SLC25A25: variants seen among roughly 807,000 people sequenced by gnomAD.
The protein encoded by SLC25A25 is mitochondrial adenyl nucleotide antiporter SLC25A25.
Under a neutral mutation model 57.7 loss-of-function variants are expected in SLC25A25, and 32 were observed. That is an observed-to-expected ratio of 0.55 (90% CI 0.42 to 0.74). SLC25A25 has a LOEUF of 0.74. SLC25A25 is among the 30% of genes least tolerant of loss of function. The pLI is 0.00. For missense variants in SLC25A25, 556 were observed against 701.3 expected (o/e 0.79, Z 2.34); for synonymous variants, 306 against 291.2 (o/e 1.05, Z -0.52).
At position 128,107,762 on chromosome 9, in the gene SLC25A25, G is replaced by T; in HGVS notation, c.*318G>T. The T allele has an allele frequency of 2.5e-6, 1 of 406,358 alleles. No homozygotes were observed. The highest frequency in any genetic ancestry group is 4.3e-6 in the Non-Finnish European group (1 of 230,436). The allele number at this position is 406,358 out of a possible 1,614,324, so 25.2% of individuals were successfully genotyped here. On this transcript the variant is annotated 3_prime_UTR_variant, in exon 11 of 11. Transcript: ENST00000373069. ...CCAATAGCGAGCTTGGAGCCTGGAGGCCGGCTTAGTTCTTCCATTTCACCC... is the reference window on the plus strand; with the variant it reads ...CCAATAGCGAGCTTGGAGCCTGGAGTCCGGCTTAGTTCTTCCATTTCACCC...
Position 128,107,576 on chromosome 9 carries a change from G to A in SLC25A25, c.*132G>A, listed in dbSNP as rs75511005. 423 of 1,114,660 alleles carry A rather than the reference G, an allele frequency of 3.8e-4. 1 individual carries two copies. In the East Asian group the frequency reaches 9.8e-3, roughly 26 times the overall value. The allele number at this position is 1,114,660 out of a possible 1,614,324, so 69.0% of individuals were successfully genotyped here. ...AGCTGTGAAAACCCTAGACGCACCC[G>A]CAGGGAGGGTGGGGAGAGCTGGCAG... On this transcript the variant is annotated 3_prime_UTR_variant, in exon 11 of 11. Transcript: ENST00000373069.
rs530691582 is a variant in SLC25A25, at chr9:128,078,280, AGGTGCCCAGAATT to A, written c.261+9704_261+9716del. On this transcript the variant is annotated intron_variant, in intron 1 of 10. Transcript: ENST00000373069. ...CTTCCCCATTGGTTCTTTGAAAATA[AGGTGCCCAGAATT>A]GGTCAGAATCACCTATATTTTGCCC... is the stretch of plus-strand genomic sequence containing the variant. Among the ~76,000 whole-genome samples, 14 of 152,276 alleles carry A rather than the reference AGGTGCCCAGAATT, an allele frequency of 9.2e-5. No homozygotes were observed. In the East Asian group the frequency reaches 2.5e-3, roughly 27 times the overall value.
At position 128,103,263 on chromosome 9, in the gene SLC25A25, T is replaced by C. The variant is rs992001247; in HGVS notation, c.625-418T>C. Among the ~76,000 whole-genome samples, 2 of 152,218 alleles carry C rather than the reference T, an allele frequency of 1.3e-5. No homozygotes were observed. Among genetic ancestry groups the C allele is most frequent in the Non-Finnish European group, 2.9e-5 (2 of 68,036 alleles). On this transcript the variant is annotated intron_variant, in intron 5 of 10. Coordinates refer to ENST00000373069, the MANE Select transcript of SLC25A25 (RefSeq NM_001330988.2). This position sits in a 1 kb window ranked among gnomAD's most constrained non-coding sequence, Gnocchi z 6.7. Reference sequence around the variant, plus strand: ...CGAGCCCTCGTGTTTGCTGAGGCGTTGCATAATGTTCTGCCAGCGTGATCT... The same window carrying C: ...CGAGCCCTCGTGTTTGCTGAGGCGTCGCATAATGTTCTGCCAGCGTGATCT...
intron 1 of SLC25A25, chr9:128,098,601 G>A: frequency 3.1e-6 from 5 of 1,614,104 alleles, no homozygotes; most frequent in Non-Finnish European, 4.2e-6. Flanking sequence ...CCGGTCATCG[G>A]GGAAGCCCAG....
intron 7 of SLC25A25, 68 bp downstream of exon 7, chr9:128,105,949 C>G (rs1834013249): frequency 1.8e-5 from 29 of 1,581,654 alleles, no homozygotes; most frequent in Non-Finnish European, 2.4e-5. Context: ...TGCTGGCTTT[C>G]CCTGGGCTGA....
intron 1 of SLC25A25, among the ~76,000 whole-genome samples, chr9:128,079,180 T>C (rs1288164590): frequency 6.6e-6 from 1 of 152,106 alleles, no homozygotes; most frequent in African/African-American, 2.4e-5. Context: ...AGATAAATCA[T>C]GACTCATTTT....
At chr9:128,092,914 A>G (rs148149149) in intron 1 of SLC25A25, among the ~76,000 whole-genome samples, 4 of 152,210 alleles carry the variant, frequency 2.6e-5, no homozygotes, top group Non-Finnish European at 5.9e-5. Flanking sequence ...TGGAGTGCTC[A>G]GTATTAGAAA....
chr9:128,106,526 G>T lies in SLC25A25; in HGVS notation c.1212+6G>T. 1 of 1,591,486 alleles carries T rather than the reference G, an allele frequency of 6.3e-7. No homozygotes were observed. On this transcript the variant is annotated splice_donor_region_variant and intron_variant, in intron 9 of 10. Transcript: ENST00000373069. ...TCGACCTTGCAGTCTACGAGGTGAG[G>T]CCCAAGCTGGACAGATTTAGAAACC...
intron 1 of SLC25A25, among the ~76,000 whole-genome samples, chr9:128,085,909 T>C (rs1209035400): frequency 6.6e-6 from 1 of 152,156 alleles, no homozygotes; most frequent in African/African-American, 2.4e-5. Flanking sequence ...TTTTGCTATG[T>C]TGCCCAGGCT....
At chr9:128,105,951 C>G (rs1400027428) in intron 7 of SLC25A25, 70 bp downstream of exon 7, 21 of 1,578,830 alleles carry the variant, frequency 1.3e-5, no homozygotes, top group Non-Finnish European at 1.8e-5. Context: ...CTGGCTTTCC[C>G]TGGGCTGAGC....
chr9:128,101,337 G>A lies in SLC25A25; in HGVS notation c.417G>A (p.Gln139=). Residue 139 remains glutamine (Q), a synonymous_variant, in exon 3 of 11, where the codon CAG becomes CAA. Coordinates refer to ENST00000373069, the MANE Select transcript of SLC25A25 (RefSeq NM_001330988.2). The surrounding 1 kb of genome is among the most constrained non-coding windows in gnomAD (Gnocchi z 4.9). ...GCATTGACGCGCAGGAGATCATGCA[G>A]TCCCTGCGGGACTTGGGAGTCAAGA... ...DGRIDAQEIM[Q]SLRDLGVKIS... 6.2e-7 allele frequency: 1 copy of A among 1,614,266 alleles called. No individual in the cohort carries two copies. The highest frequency in any genetic ancestry group is 8.5e-7 in the Non-Finnish European group (1 of 1,180,052).
At position 128,099,327 on chromosome 9, in the gene SLC25A25, A is replaced by C; in HGVS notation, c.262-1769A>C. On this transcript the variant is annotated intron_variant, in intron 1 of 10. Coordinates refer to ENST00000373069, the MANE Select transcript of SLC25A25 (RefSeq NM_001330988.2). This position sits in a 1 kb window ranked among gnomAD's most constrained non-coding sequence, Gnocchi z 6.8. ...CAGATCCAAGGAAGGAGACAGAAGG[A>C]GGCCCAGGCCCTGTGAGGCAGAAGC... 1.6e-6 allele frequency: 2 copies of C among 1,265,724 alleles called. No homozygotes were observed. Among genetic ancestry groups the C allele is most frequent in the South Asian group, 1.3e-5 (1 of 78,504 alleles). The allele number at this position is 1,265,724 out of a possible 1,614,324, so 78.4% of individuals were successfully genotyped here. A position where few individuals can be genotyped will look rare whatever the true frequency, so the allele number is the denominator to read the frequency against.
rs1268828344 is a variant in SLC25A25 at position 128,103,645 on chromosome 9, G to A, written c.625-36G>A. ...CAGGTGCCAGCAGCCTTGCCCCAAG[G>A]GTCCTGAGTCAGGCTTGTGCCATCT... On this transcript the variant is annotated intron_variant, in intron 5 of 10. Transcript: ENST00000373069. This position sits in a 1 kb window ranked among gnomAD's most constrained non-coding sequence, Gnocchi z 6.7. 3 of 1,613,884 alleles carry A rather than the reference G, an allele frequency of 1.9e-6. No individual in the cohort carries two copies. Among genetic ancestry groups the A allele is most frequent in the East Asian group, 2.2e-5 (1 of 44,886 alleles).
chr9:128,095,659 A>T lies in SLC25A25; in HGVS notation c.262-5437A>T, dbSNP rs1221587203. On this transcript the variant is annotated intron_variant, in intron 1 of 10. Transcript: ENST00000373069. This position sits in a 1 kb window ranked among gnomAD's most constrained non-coding sequence, Gnocchi z 4.4. ...GCAAATAAGTTAGAACCCTTTTAAA[A>T]ATTAGCTGGGTGTGCTCGTGGGCAC... 6.6e-6 allele frequency among the ~76,000 whole-genome samples: 1 copy of T among 152,134 alleles called. No individual in the cohort carries two copies. Among genetic ancestry groups the T allele is most frequent in the East Asian group, 1.9e-4 (1 of 5,192 alleles).
intron 1 of SLC25A25, among the ~76,000 whole-genome samples, chr9:128,075,347 C>T (rs1832988263): frequency 6.6e-6 from 1 of 151,940 alleles, no homozygotes; most frequent in Non-Finnish European, 1.5e-5. Flanking sequence ...ACGAGCCTGT[C>T]TGATCTGGAG....
chr9:128,082,600 T>C (rs1461302540), intron 1 of SLC25A25, among the ~76,000 whole-genome samples: 4 of 152,178 alleles, frequency 2.6e-5, no homozygotes, highest in Non-Finnish European at 5.9e-5. Flanking sequence ...AAAAATAATT[T>C]TGAAAACAGC....
intron 1 of SLC25A25, among the ~76,000 whole-genome samples, chr9:128,086,751 C>T (rs1472895468): frequency 6.6e-6 from 1 of 152,094 alleles, no homozygotes; most frequent in African/African-American, 2.4e-5. Context: ...GCTGGGATTA[C>T]AGGTGAGAGC....
intron 1 of SLC25A25, among the ~76,000 whole-genome samples, chr9:128,082,185 G>A (rs1041414956): frequency 1.3e-5 from 2 of 152,162 alleles, no homozygotes; most frequent in South Asian, 2.1e-4. Flanking sequence ...TCCTTCCACA[G>A]TTACAGGAGT....
In SLC25A25 at chr9:128,102,152, C is replaced by T. The variant is rs1450187233; in HGVS notation, c.512+37C>T. 6.5e-7 allele frequency: 1 copy of T among 1,549,814 alleles called. No individual in the cohort carries two copies. Among genetic ancestry groups the T allele is most frequent in the Admixed American group, 2.0e-5 (1 of 51,006 alleles). On this transcript the variant is annotated intron_variant, in intron 4 of 10. Coordinates refer to ENST00000373069, the MANE Select transcript of SLC25A25 (RefSeq NM_001330988.2). The surrounding 1 kb of genome is among the most constrained non-coding windows in gnomAD (Gnocchi z 4.1). ...TGTCGCTCATGACTGCCTCCCTTGA[C>T]TTCCATGCCTGATCAGAGCGGGATT... is the stretch of plus-strand genomic sequence containing the variant.
Sources: allele counts gnomAD v4.1 joint callset (sites outside exome capture counted in the v4.1 genomes callset), GRCh38; gene constraint gnomAD v4.1.1; non-coding constraint Gnocchi (gnomAD v3.1); transcripts MANE v1.5; gene names NCBI Gene and HGNC (gene_info 2026-07-23, HGNC 2026-07-21).